The following SCAPER variants were observed in gnomAD, a reference collection of about 807,000 sequenced individuals.
SCAPER encodes S phase cyclin A-associated protein in the endoplasmic reticulum.
Under a neutral mutation model 182.2 loss-of-function variants are expected in SCAPER, and 98 were observed. The observed-to-expected ratio is 0.54, with a 90% CI of 0.46 to 0.64. The LOEUF (loss-of-function observed/expected upper bound fraction) is 0.64. Among genes scored for constraint, SCAPER ranks in the 30% least tolerant of loss-of-function variants. SCAPER has a pLI of 0.00. For synonymous variants in SCAPER, 605 were observed against 564.6 expected, an observed-to-expected ratio of 1.07 and a Z score of -1.01; for missense variants, 1,432 against 1,690.0, an observed-to-expected ratio of 0.85 and a Z score of 2.68.
chr15:76,876,104 G>A (rs1005499216), intron 2 of SCAPER, among the ~76,000 whole-genome samples: 3 of 152,176 alleles, frequency 2.0e-5, no homozygotes, highest in African/African-American at 4.8e-5. Context: ...GGGCCACTCC[G>A]AGTACAGGAG....
chr15:76,733,932 T>A (rs2061079122), intron 15 of SCAPER, among the ~76,000 whole-genome samples: 1 of 152,134 alleles, frequency 6.6e-6, no homozygotes, highest in Non-Finnish European at 1.5e-5. Flanking sequence ...TAGAAAGAAG[T>A]GATTTAGAGG....
At chr15:76,609,424 T>A (rs537064301) in intron 22 of SCAPER, among the ~76,000 whole-genome samples, 10 of 151,894 alleles carry the variant, frequency 6.6e-5, no homozygotes, top group Non-Finnish European at 1.3e-4. Flanking sequence ...GTGGCTGAGG[T>A]TACAGTAAGC....
intron 24 of SCAPER, among the ~76,000 whole-genome samples, chr15:76,487,631 A>C (rs1235002637): frequency 3.3e-5 from 5 of 152,170 alleles, no homozygotes; most frequent in Non-Finnish European, 5.9e-5. Flanking sequence ...GGAAGAGGAA[A>C]TACCTGGGAA....
Position 76,460,881 on chromosome 15 carries a change from A to G in SCAPER, c.3078+10331T>C, listed in dbSNP as rs117194550. Among the ~76,000 whole-genome samples, 335 of 152,248 alleles carry G rather than the reference A, an allele frequency of 2.2e-3. 1 individual carries two copies. The highest frequency in any genetic ancestry group is 3.7e-3 in the Non-Finnish European group (254 of 67,990). On this transcript the variant is annotated intron_variant, in intron 25 of 31. Coordinates refer to ENST00000563290, the MANE Select transcript of SCAPER (RefSeq NM_020843.4). ...TAGCTTTCCTTAATGTTAATATCCTACACAACTACAGCACAATTACCAAAA... is the reference window on the plus strand; with the variant it reads ...TAGCTTTCCTTAATGTTAATATCCTGCACAACTACAGCACAATTACCAAAA...
At chr15:76,451,688 A>G (rs1320013518) in intron 25 of SCAPER, among the ~76,000 whole-genome samples, 3 of 152,182 alleles carry the variant, frequency 2.0e-5, no homozygotes, top group Admixed American at 6.5e-5. Flanking sequence ...TCCATTTCCC[A>G]CATCTCATAA....
intron 1 of SCAPER, among the ~76,000 whole-genome samples, chr15:76,902,824 AGGTG>A (rs1276141643): frequency 6.6e-6 from 1 of 152,174 alleles, no homozygotes; most frequent in Non-Finnish European, 1.5e-5. Flanking sequence ...TGGGAGGCCG[AGGTG>A]GGTGGATCAT....
intron 23 of SCAPER, among the ~76,000 whole-genome samples, chr15:76,537,880 A>G (rs1247287420): frequency 6.6e-6 from 1 of 152,082 alleles, no homozygotes; most frequent in East Asian, 1.9e-4. Flanking sequence ...GAGAAAAAAA[A>G]CAACCTCATC....
intron 2 of SCAPER, among the ~76,000 whole-genome samples, chr15:76,883,402 G>A (rs747332058): frequency 1.4e-4 from 22 of 152,086 alleles, no homozygotes; most frequent in Non-Finnish European, 1.5e-4. Flanking sequence ...ATTTCACATC[G>A]GTCCCCATAC....
chr15:76,433,268 G>A (rs543440452), intron 26 of SCAPER, among the ~76,000 whole-genome samples: 1 of 152,160 alleles, frequency 6.6e-6, no homozygotes, highest in Non-Finnish European at 1.5e-5. Flanking sequence ...AGCACTTTGG[G>A]AGATGGAGGC....
At chr15:76,672,063 G>C (rs1340452999) in intron 20 of SCAPER, among the ~76,000 whole-genome samples, 1 of 152,074 alleles carries the variant, frequency 6.6e-6, no homozygotes, top group East Asian at 1.9e-4. Flanking sequence ...TGAGCCACCA[G>C]GGATCCCTTC....
At chr15:76,431,047 C>T (rs1004579761) in intron 26 of SCAPER, among the ~76,000 whole-genome samples, 3 of 151,776 alleles carry the variant, frequency 2.0e-5, no homozygotes, top group African/African-American at 7.3e-5. Flanking sequence ...TCTCTCTTTG[C>T]CTGCCACAAC....
chr15:76,767,354 CTG>C (rs2063179187), intron 10 of SCAPER, among the ~76,000 whole-genome samples: 2 of 151,952 alleles, frequency 1.3e-5, no homozygotes, highest in South Asian at 2.1e-4. Flanking sequence ...GTATGAGAAA[CTG>C]TGAAATTATA....
chr15:76,403,327 G>A (rs976934677), intron 27 of SCAPER, among the ~76,000 whole-genome samples: 1 of 152,180 alleles, frequency 6.6e-6, no homozygotes, highest in Admixed American at 6.5e-5. Flanking sequence ...TCTCACTGAA[G>A]GTAGGCTTGG....
intron 5 of SCAPER, among the ~76,000 whole-genome samples, chr15:76,825,433 T>C (rs1263295415): frequency 6.6e-6 from 1 of 152,214 alleles, no homozygotes; most frequent in African/African-American, 2.4e-5. Flanking sequence ...TAATAACTAA[T>C]GTCAATGGAT....
chr15:76,709,534 T>C (rs892300223), intron 17 of SCAPER, among the ~76,000 whole-genome samples: 11 of 152,234 alleles, frequency 7.2e-5, no homozygotes, highest in South Asian at 2.1e-4. Flanking sequence ...AAAATCTCAA[T>C]AGACCAAAAA....
intron 23 of SCAPER, among the ~76,000 whole-genome samples, chr15:76,522,216 T>C (rs1597177632): frequency 6.6e-6 from 1 of 152,224 alleles, no homozygotes; most frequent in East Asian, 1.9e-4. Flanking sequence ...CTAAAAATTG[T>C]AAAAACCTAT....
chr15:76,383,055 G>C (rs1011766927), intron 27 of SCAPER, among the ~76,000 whole-genome samples: 12 of 151,638 alleles, frequency 7.9e-5, no homozygotes, highest in Non-Finnish European at 1.3e-4. Context: ...CTACGAGTTA[G>C]TGTTAAAAAT....
chr15:76,456,386 C>T (rs1299994639), intron 25 of SCAPER, among the ~76,000 whole-genome samples: 1 of 152,152 alleles, frequency 6.6e-6, no homozygotes, highest in African/African-American at 2.4e-5. Flanking sequence ...AAAATATTTT[C>T]TCATTTCTTT....
chr15:76,844,031 G>A (rs2069764683), intron 4 of SCAPER, among the ~76,000 whole-genome samples: 1 of 151,974 alleles, frequency 6.6e-6, no homozygotes, highest in South Asian at 2.1e-4. Flanking sequence ...TTACAGAGGA[G>A]GAAACAGGTT....
Sources: gnomAD v4.1 joint callset for allele counts (sites outside exome capture counted in the v4.1 genomes callset) on GRCh38, gnomAD v4.1.1 for gene constraint, MANE v1.5 for transcripts, NCBI Gene and HGNC (gene_info 2026-07-23, HGNC 2026-07-21) for gene names.